Variants in QSOX2 observed in about 807,000 individuals in gnomAD.
The protein encoded by QSOX2 is sulfhydryl oxidase 2.
In QSOX2, 46 loss-of-function variants were observed where a neutral mutation model predicts 61.7. That is an observed-to-expected ratio of 0.75 (90% confidence interval 0.59 to 0.95). The LOEUF is 0.95. Among genes scored for constraint, QSOX2 ranks in the 40% least tolerant of loss-of-function variants. The pLI, the probability that QSOX2 is intolerant of heterozygous loss-of-function variation, is 0.00. For missense variants in QSOX2, 879 were observed against 918.9 expected, an observed-to-expected ratio of 0.96 and a Z score of 0.56; for synonymous variants, 383 against 388.4, an observed-to-expected ratio of 0.99 and a Z score of 0.16.
rs373296655 is a variant in QSOX2, at chr9:136,208,738, G to A, written c.2087C>T (p.Pro696Leu). 38 of 1,607,462 alleles carry A rather than the reference G, an allele frequency of 2.4e-5. No individual in the cohort carries two copies. The highest frequency in any genetic ancestry group is 2.7e-5 in the Non-Finnish European group (32 of 1,175,548). ...GCAGCACCCGGGCACTCACACGGCC[G>A]GGTGGTGGTGCTTGACCTTCCACCG... ...SRRWKVKHHHPAV is the reference protein window; with the variant it reads ...SRRWKVKHHHLAV The change falls in exon 12 of 12, where the codon CCG becomes CTG. Residue 696 changes from proline (P) to leucine (L), a missense_variant. Physicochemically the swap from Pro to Leu is moderately conservative, Grantham distance 98 (BLOSUM62 -3). Coordinates refer to ENST00000358701, the MANE Select transcript of QSOX2 (RefSeq NM_181701.4).
intron 8 of QSOX2, 72 bp downstream of exon 8, chr9:136,218,607 C>T (rs564525785): frequency 1.8e-5 from 27 of 1,532,014 alleles, no homozygotes; most frequent in East Asian, 4.6e-5. Context: ...CCGCAGTGTC[C>T]GACGCCCCCC....
chr9:136,224,990 C>T, intron 2 of QSOX2, 81 bp from the exon 3 acceptor site: 1 of 940,016 alleles, frequency 1.1e-6, no homozygotes, highest in Non-Finnish European at 1.6e-6. Context: ...ACGCCCGTCA[C>T]CTTAGAGGGA....
chr9:136,243,949 T>C (rs74334220), intron 1 of QSOX2, among the ~76,000 whole-genome samples: 8,340 of 152,214 alleles, frequency 0.055, 428 homozygotes, highest in African/African-American at 0.14. Context: ...GGAGGGGCCT[T>C]CCTTCTGAGC....
At position 136,209,135 on chromosome 9, in the gene QSOX2, G is replaced by A. The variant is rs992114460; in HGVS notation, c.1690C>T (p.Arg564Cys). The A allele has an allele frequency of 4.3e-6, 7 of 1,614,034 alleles. No homozygotes were observed. Among genetic ancestry groups the A allele is most frequent in the African/African-American group, 1.3e-5 (1 of 74,918 alleles). ...GAATACGTGTCTAAGAGGTTGTCGC[G>A]GCCATAGTGCTGCTTCAAGAATGTG... ...VLTFLKQHYG[R>C]DNLLDTYSAD... The change falls in exon 12 of 12, where the codon CGC (arginine) becomes TGC (cysteine). Residue 564 changes from arginine to cysteine, a missense_variant. Coordinates refer to ENST00000358701, the MANE Select transcript of QSOX2 (RefSeq NM_181701.4). This position sits in a 1 kb window ranked among gnomAD's most constrained non-coding sequence, Gnocchi z 5.6.
chr9:136,224,593 C>T (rs1172435078), intron 3 of QSOX2, among the ~76,000 whole-genome samples: 2 of 152,214 alleles, frequency 1.3e-5, no homozygotes, highest in Non-Finnish European at 2.9e-5. Context: ...TACATGTGAT[C>T]TGTGCACATC....
intron 11 of QSOX2, 67 bp downstream of exon 11, chr9:136,211,197 C>A: frequency 6.5e-7 from 1 of 1,536,480 alleles, no homozygotes; most frequent in Non-Finnish European, 8.9e-7. Flanking sequence ...CCGTGCCGTC[C>A]TTGCTGTCCC....
At chr9:136,235,023 C>T (rs1830368696) in intron 1 of QSOX2, among the ~76,000 whole-genome samples, 1 of 152,210 alleles carries the variant, frequency 6.6e-6, no homozygotes, top group Non-Finnish European at 1.5e-5. Context: ...AACTGGTTCC[C>T]CCGCCCATGG....
At position 136,208,761 on chromosome 9, in the gene QSOX2, C is replaced by A. The variant is rs888401174; in HGVS notation, c.2064G>T (p.Arg688=). The A allele has an allele frequency of 1.2e-6, 2 of 1,612,690 alleles. No homozygotes were observed. Among genetic ancestry groups the A allele is most frequent in the Non-Finnish European group, 1.7e-6 (2 of 1,179,400 alleles). The change falls in exon 12 of 12, where the codon CGG becomes CGT. Residue 688 remains arginine (R), a synonymous_variant. Coordinates refer to ENST00000358701, the MANE Select transcript of QSOX2 (RefSeq NM_181701.4). ...MYFFFRVRSR[R]WKVKHHHPAV Reference sequence around the variant, plus strand: ...CCGGGTGGTGGTGCTTGACCTTCCACCGCCTGGACCTCACCCGGAAGAAGA... The same window carrying A: ...CCGGGTGGTGGTGCTTGACCTTCCAACGCCTGGACCTCACCCGGAAGAAGA...
In QSOX2 at chr9:136,207,105, A is replaced by G. The variant is rs1831774738; in HGVS notation, c.*1623T>C. On this transcript the variant is annotated 3_prime_UTR_variant, in exon 12 of 12. Coordinates refer to ENST00000358701, the MANE Select transcript of QSOX2 (RefSeq NM_181701.4). ...GAGACACGAAGCAGCAGGCTGACGC[A>G]CCAGACACCGCTCCCACCAGACACC... The G allele has an allele frequency of 6.6e-6, 1 of 152,308 alleles. No homozygotes were observed. The highest frequency in any genetic ancestry group is 2.1e-4 in the South Asian group (1 of 4,820). 9.4% of individuals were successfully genotyped at this position (152,308 alleles called of 1,614,324 possible).
In QSOX2 at chr9:136,218,774, G is replaced by A; in HGVS notation, c.991C>T (p.Leu331=). ...KLYTVDLESG[L]HYLLRVELAA... is the part of the protein sequence containing the mutation. The stretch of plus-strand genomic sequence containing the variant: ...AGCTCCACCCGCAGGAGGTAGTGTA[G>A]CCCTGACTCCAGGTCCACCGTGTAC... The change falls in exon 8 of 12, where the codon CTA becomes TTA. Residue 331 remains leucine, a synonymous_variant. Coordinates refer to ENST00000358701, the MANE Select transcript of QSOX2 (RefSeq NM_181701.4). The A allele has an allele frequency of 1.2e-6, 2 of 1,613,576 alleles. No homozygotes were observed. Among genetic ancestry groups the A allele is most frequent in the Non-Finnish European group, 1.7e-6 (2 of 1,180,020 alleles).
chr9:136,214,284 C>A (rs1831882978), intron 10 of QSOX2, among the ~76,000 whole-genome samples: 2 of 152,202 alleles, frequency 1.3e-5, no homozygotes, highest in Admixed American at 1.3e-4. Context: ...TAGGTTTTAA[C>A]CCCTTGTGGT....
chr9:136,223,949 C>T lies in QSOX2; in HGVS notation c.584+58G>A, dbSNP rs1351403643. 4.5e-6 allele frequency: 7 copies of T among 1,557,606 alleles called. No homozygotes were observed. Among genetic ancestry groups the T allele is most frequent in the Admixed American group, 3.4e-5 (2 of 59,654 alleles). On this transcript the variant is annotated intron_variant, in intron 4 of 11. Transcript: ENST00000358701. This position sits in a 1 kb window ranked among gnomAD's most constrained non-coding sequence, Gnocchi z 4.4. ...CACATCACTTAATAGAAACCTATTA[C>T]GTTTCTTGCACAGTTCAACACGAGT...
rs536890646 is a variant in QSOX2, at chr9:136,211,458, G to A, written c.1361-6C>T. 4.3e-6 allele frequency: 7 copies of A among 1,612,822 alleles called. No individual in the cohort carries two copies. In the African/African-American group the frequency reaches 9.3e-5, roughly 21 times the overall value. ...CTGGGGGTCGTCTTCAAAGCCTGCA[G>A]GGGAAGAAACACTGCTGACAACGGC... On this transcript the variant is annotated splice_region_variant and splice_polypyrimidine_tract_variant and intron_variant, in intron 10 of 11. Transcript: ENST00000358701.
At chr9:136,214,868 A>G (rs1473826321) in intron 10 of QSOX2, among the ~76,000 whole-genome samples, 3 of 152,214 alleles carry the variant, frequency 2.0e-5, no homozygotes, top group African/African-American at 7.2e-5. Flanking sequence ...CAGGGAGTTT[A>G]CACTGCAGGG....
rs1349014181 is a variant in QSOX2 at position 136,207,327 on chromosome 9, A to T, written c.*1401T>A. 4.0e-5 allele frequency: 6 copies of T among 151,872 alleles called. No homozygotes were observed. The highest frequency in any genetic ancestry group is 3.9e-4 in the Admixed American group (6 of 15,212). The allele number at this position is 151,872 out of a possible 1,614,324, so 9.4% of individuals were successfully genotyped here. On this transcript the variant is annotated 3_prime_UTR_variant, in exon 12 of 12. Coordinates refer to ENST00000358701, the MANE Select transcript of QSOX2 (RefSeq NM_181701.4). Reference sequence around the variant, plus strand: ...ACAACATAAAGTAGGCAAAGCGGAAAAAATATCTACAACCGTCAAAGTCTC... The same window carrying T: ...ACAACATAAAGTAGGCAAAGCGGAATAAATATCTACAACCGTCAAAGTCTC...
intron 1 of QSOX2, among the ~76,000 whole-genome samples, chr9:136,236,062 G>A (rs1301408674): frequency 1.3e-5 from 2 of 152,166 alleles, no homozygotes; most frequent in African/African-American, 2.4e-5. Context: ...CCAGGATGGG[G>A]GCTGCACCCC....
At chr9:136,220,851 C>T (rs1831972570) in intron 6 of QSOX2, among the ~76,000 whole-genome samples, 1 of 152,126 alleles carries the variant, frequency 6.6e-6, no homozygotes, top group South Asian at 2.1e-4. Flanking sequence ...GCTGGGACTA[C>T]AGTGGCACAC....
At chr9:136,229,384 C>T (rs1830310613) in intron 1 of QSOX2, among the ~76,000 whole-genome samples, 1 of 152,270 alleles carries the variant, frequency 6.6e-6, no homozygotes, top group African/African-American at 2.4e-5. Context: ...CTCCACAGCC[C>T]CGGCTCCTCA....
In QSOX2 at chr9:136,223,945, ATTACGT is replaced by A; in HGVS notation, c.584+56_584+61del. ...TGGCCACATCACTTAATAGAAACCT[ATTACGT>A]TTCTTGCACAGTTCAACACGAGTCT... On this transcript the variant is annotated intron_variant, in intron 4 of 11. Transcript: ENST00000358701. This position sits in a 1 kb window ranked among gnomAD's most constrained non-coding sequence, Gnocchi z 4.4. The A allele has an allele frequency of 6.3e-7, 1 of 1,575,810 alleles. No homozygotes were observed. The highest frequency in any genetic ancestry group is 1.3e-5 in the African/African-American group (1 of 74,098).
Sources: allele counts gnomAD v4.1 joint callset (sites outside exome capture counted in the v4.1 genomes callset), GRCh38; gene constraint gnomAD v4.1.1; non-coding constraint Gnocchi (gnomAD v3.1); transcripts MANE v1.5; gene names NCBI Gene and HGNC (gene_info 2026-07-23, HGNC 2026-07-21).